GREM2: variants seen among roughly 807,000 people sequenced by gnomAD.
The protein encoded by GREM2 is gremlin 2, DAN family BMP antagonist, also known as gremlin-2.
Under a neutral mutation model 14.2 loss-of-function variants are expected in GREM2, and 11 were observed. That is an observed-to-expected ratio of 0.78 (90% CI 0.49 to 1.28). The LOEUF is 1.28. Ranked by LOEUF, GREM2 falls within the 50% of genes most tolerant of loss-of-function variation. The pLI is 0.00. For missense variants in GREM2, 210 were observed against 218.5 expected, an observed-to-expected ratio of 0.96 and a Z score of 0.24; for synonymous variants, 98 against 97.6, an observed-to-expected ratio of 1.00 and a Z score of -0.02.
intron 1 of GREM2, among the ~76,000 whole-genome samples, chr1:240,581,989 A>G: frequency 6.6e-6 from 1 of 152,342 alleles, no homozygotes; most frequent in African/African-American, 2.4e-5. Context: ...CTGAAGCCTC[A>G]TTAATGCACG....
At chr1:240,557,968 TGA>T (rs1256119412) in intron 1 of GREM2, among the ~76,000 whole-genome samples, 3 of 151,954 alleles carry the variant, frequency 2.0e-5, no homozygotes, top group Non-Finnish European at 4.4e-5. Flanking sequence ...ACAAAACAAA[TGA>T]GAAAGAAAAA....
intron 1 of GREM2, among the ~76,000 whole-genome samples, chr1:240,585,296 G>A (rs993487395): frequency 6.6e-6 from 1 of 152,112 alleles, no homozygotes; most frequent in African/African-American, 2.4e-5. Flanking sequence ...AGGGCCCTGT[G>A]AGGACTGCCA....
intron 1 of GREM2, among the ~76,000 whole-genome samples, chr1:240,541,922 A>G (rs779199143): frequency 6.6e-6 from 1 of 152,098 alleles, no homozygotes; most frequent in East Asian, 1.9e-4. Flanking sequence ...CAATGCCATC[A>G]CTGTCTTTAT....
At chr1:240,554,303 C>T (rs1678912901) in intron 1 of GREM2, among the ~76,000 whole-genome samples, 1 of 150,988 alleles carries the variant, frequency 6.6e-6, no homozygotes, top group Non-Finnish European at 1.5e-5. Flanking sequence ...CCCAGCTACT[C>T]GGGAGGCTGA....
At chr1:240,583,034 T>C (rs905072004) in intron 1 of GREM2, among the ~76,000 whole-genome samples, 6 of 150,818 alleles carry the variant, frequency 4.0e-5, no homozygotes, top group African/African-American at 1.5e-4. Flanking sequence ...CTTATTTTGA[T>C]GGTAATGACA....
chr1:240,509,288 A>G (rs1677747130), intron 1 of GREM2, among the ~76,000 whole-genome samples: 1 of 150,218 alleles, frequency 6.7e-6, no homozygotes, highest in Non-Finnish European at 1.5e-5. Context: ...GACCTGGCTC[A>G]CTCCAACTCA....
chr1:240,524,543 A>G (rs1451652512), intron 1 of GREM2, among the ~76,000 whole-genome samples: 1 of 152,252 alleles, frequency 6.6e-6, no homozygotes, highest in Non-Finnish European at 1.5e-5. Context: ...ACTGACAAGT[A>G]ATCTGTATAG....
chr1:240,575,362 G>A (rs1377348494), intron 1 of GREM2, among the ~76,000 whole-genome samples: 1 of 150,852 alleles, frequency 6.6e-6, no homozygotes, highest in Non-Finnish European at 1.5e-5. Context: ...AAGCCAAATA[G>A]TTCTCAAGAA....
chr1:240,550,900 T>C (rs1999998), intron 1 of GREM2, among the ~76,000 whole-genome samples: 44,209 of 152,090 alleles, frequency 0.29, 6,556 homozygotes, highest in East Asian at 0.4. Context: ...ACACCCTTCG[T>C]TATTTAGACA....
chr1:240,501,991 T>C (rs1677578836), intron 1 of GREM2, among the ~76,000 whole-genome samples: 1 of 152,114 alleles, frequency 6.6e-6, no homozygotes, highest in Non-Finnish European at 1.5e-5. Context: ...TTTTTTCAGA[T>C]AAAGATTTTA....
chr1:240,541,795 TTC>T (rs2103326438), intron 1 of GREM2, among the ~76,000 whole-genome samples: 1 of 152,258 alleles, frequency 6.6e-6, no homozygotes, highest in African/African-American at 2.4e-5. Flanking sequence ...TGGCTTGGAT[TTC>T]TGTTTCTAAA....
intron 1 of GREM2, among the ~76,000 whole-genome samples, chr1:240,560,204 G>A (rs1290672992): frequency 6.6e-6 from 1 of 152,272 alleles, no homozygotes; most frequent in Non-Finnish European, 1.5e-5. Context: ...TATGGAGAAC[G>A]TTCTTAAGTG....
chr1:240,540,657 G>A lies in GREM2; in HGVS notation c.-1-47181C>T, dbSNP rs1283890725. ...GACTTACAGCAACCTCTGCCTCCTG[G>A]GTTCAAGAGATTCTCCTGCCTCAGC... On this transcript the variant is annotated intron_variant, in intron 1 of 1. Transcript: ENST00000318160. The surrounding 1 kb of genome is among the most constrained non-coding windows in gnomAD (Gnocchi z 4.2). 6.6e-6 allele frequency among the ~76,000 whole-genome samples: 1 copy of A among 151,920 alleles called. No individual in the cohort carries two copies. The highest frequency in any genetic ancestry group is 2.4e-5 in the African/African-American group (1 of 41,326).
At chr1:240,522,138 A>AAAAAAAAAAAC (rs1558148106) in intron 1 of GREM2, among the ~76,000 whole-genome samples, 1 of 150,758 alleles carries the variant, frequency 6.6e-6, no homozygotes, top group African/African-American at 2.5e-5. Context: ...AAAAAAAACA[A>AAAAAAAAAAAC]AAACAAACAA....
rs181323157 is a variant in GREM2, at chr1:240,599,002, C to T, written c.-2+12882G>A. Among the ~76,000 whole-genome samples the T allele has an allele frequency of 9.9e-5, 15 of 152,226 alleles. 1 individual carries two copies. Among genetic ancestry groups the T allele is most frequent in the Admixed American group, 2.6e-4 (4 of 15,286 alleles). ...AAGAGTAAGTGGTCGGGTGTGGTGGCTCATGCCTGTAATCTCAGCATTTTG... is the reference window on the plus strand; with the variant it reads ...AAGAGTAAGTGGTCGGGTGTGGTGGTTCATGCCTGTAATCTCAGCATTTTG... On this transcript the variant is annotated intron_variant, in intron 1 of 1. Transcript: ENST00000318160.
chr1:240,510,706 A>G (rs1572372227), intron 1 of GREM2, among the ~76,000 whole-genome samples: 1 of 152,340 alleles, frequency 6.6e-6, no homozygotes, highest in East Asian at 1.9e-4. Flanking sequence ...TTTTCGATGA[A>G]CAAATTCAGT....
chr1:240,527,848 T>C (rs1678259451), intron 1 of GREM2, among the ~76,000 whole-genome samples: 1 of 152,224 alleles, frequency 6.6e-6, no homozygotes, highest in South Asian at 2.1e-4. Context: ...TCTTTGTTTA[T>C]TCCACCACGC....
chr1:240,537,975 T>G (rs1048902369), intron 1 of GREM2, among the ~76,000 whole-genome samples: 1 of 152,236 alleles, frequency 6.6e-6, no homozygotes, highest in Non-Finnish European at 1.5e-5. Flanking sequence ...ATTGGCAGAA[T>G]GCCATGCCCA....
At chr1:240,584,791 A>G (rs1057490009) in intron 1 of GREM2, among the ~76,000 whole-genome samples, 6 of 152,154 alleles carry the variant, frequency 3.9e-5, no homozygotes, top group African/African-American at 1.4e-4. Context: ...AGTATCCTAG[A>G]GTTTATTTAA....
Sources: gnomAD v4.1 joint callset for allele counts (sites outside exome capture counted in the v4.1 genomes callset) on GRCh38, gnomAD v4.1.1 for gene constraint, Gnocchi (gnomAD v3.1) non-coding constraint, MANE v1.5 for transcripts, NCBI Gene and HGNC (gene_info 2026-07-23, HGNC 2026-07-21) for gene names.